The following MADD variants were observed in gnomAD, a reference collection of about 807,000 sequenced individuals.
MADD encodes the protein MAP kinase-activating death domain protein.
In MADD, 109 loss-of-function variants were observed where a neutral mutation model predicts 176.7. The observed-to-expected ratio is 0.62, with a 90% CI of 0.53 to 0.72. MADD has a LOEUF of 0.72. MADD is among the 30% of genes least tolerant of loss of function. MADD has a pLI of 0.00. For missense variants in MADD, 1,914 were observed against 2,045.5 expected (o/e 0.94, Z 1.24); for synonymous variants, 771 against 771.3 (o/e 1.00, Z 0.01).
At chr11:47,288,477 C>T (rs1252118717) in intron 15 of MADD, among the ~76,000 whole-genome samples, 1 of 152,166 alleles carries the variant, frequency 6.6e-6, no homozygotes, top group Non-Finnish European at 1.5e-5. Flanking sequence ...TGTCACTGGC[C>T]TTCATTTGGT....
intron 22 of MADD, among the ~76,000 whole-genome samples, chr11:47,297,833 G>T (rs1464894533): frequency 2.2e-5 from 3 of 135,230 alleles, no homozygotes; most frequent in Admixed American, 8.1e-5. Flanking sequence ...CTGTCGCCCA[G>T]GCTGGAGTGC....
rs550351460 is a variant in MADD, at chr11:47,273,924, A to G, written c.10A>G (p.Lys4Glu). The change falls in exon 2 of 33, where the codon AAG becomes GAG. Residue 4 changes from lysine (K) to glutamate (E), a missense_variant. Lys to Glu is a moderately conservative substitution (Grantham distance 56, BLOSUM62 1). Transcript: ENST00000402192. ...CTGATGAATTGGAACCATGGTGCAA[A>G]AGAAGAAGTTCTGTCCTCGGTTACT... The G allele has an allele frequency of 1.9e-6, 3 of 1,614,062 alleles. No homozygotes were observed. The South Asian group carries it at 3.3e-5, about 18-fold the overall frequency.
intron 18 of MADD, 44 bp downstream of exon 19, chr11:47,290,343 C>A: frequency 1.3e-6 from 2 of 1,597,380 alleles, no homozygotes; most frequent in South Asian, 1.1e-5. Flanking sequence ...CCTAACTCTG[C>A]CACTTGTCTC....
chr11:47,322,178 A>G (rs1391947064), intron 27 of MADD, among the ~76,000 whole-genome samples: 1 of 152,190 alleles, frequency 6.6e-6, no homozygotes, highest in East Asian at 1.9e-4. Context: ...CCTGTGAGGA[A>G]TTGTGGACAC....
chr11:47,277,005 C>T, intron 5 of MADD, 142 bp downstream of exon 5: 1 of 1,054,090 alleles, frequency 9.5e-7, no homozygotes, highest in South Asian at 1.6e-5. Flanking sequence ...CTGATTTGAA[C>T]TGATCTGGTG....
chr11:47,274,206 C>T (rs1480691284), intron 2 of MADD, among the ~76,000 whole-genome samples: 1 of 152,164 alleles, frequency 6.6e-6, no homozygotes, highest in African/African-American at 2.4e-5. Flanking sequence ...ACTCTTTATA[C>T]CTCAGTTTTC....
At position 47,276,904 on chromosome 11, in the gene MADD, T is replaced by G. The variant is rs568532509; in HGVS notation, c.1095+41T>G. On this transcript the variant is annotated intron_variant, in intron 5 of 32. Coordinates refer to ENST00000402192, the Ensembl canonical transcript of MADD. ...ACTTCCGGCTTTCTCACCTCTGTCT[T>G]CCTGAGGGAGGAGGCTTAATGCTCA... 8 of 1,608,664 alleles carry G rather than the reference T, an allele frequency of 5.0e-6. No individual in the cohort carries two copies. In the South Asian group the frequency reaches 7.7e-5, roughly 15 times the overall value.
chr11:47,306,102 C>T (rs1032341578), intron 22 of MADD, among the ~76,000 whole-genome samples: 4 of 152,154 alleles, frequency 2.6e-5, no homozygotes, highest in African/African-American at 7.2e-5. Context: ...ACCTTAGGCA[C>T]CAGGGAGGCC....
At chr11:47,300,460 C>CGCT (rs1565448240) in intron 22 of MADD, among the ~76,000 whole-genome samples, 1 of 149,440 alleles carries the variant, frequency 6.7e-6, no homozygotes, top group East Asian at 2.0e-4. Flanking sequence ...ACCCCCCGCC[C>CGCT]GCCCCAAAGT....
intron 15 of MADD, among the ~76,000 whole-genome samples, chr11:47,287,009 G>A (rs990350235): frequency 1.1e-4 from 16 of 152,214 alleles, no homozygotes; most frequent in Admixed American, 5.2e-4. Flanking sequence ...GGTAGTATTG[G>A]TTAGTTTCTA....
At chr11:47,285,654 A>G (rs544441201) in intron 14 of MADD, 64 bp downstream of exon 14, 9 of 1,602,986 alleles carry the variant, frequency 5.6e-6, no homozygotes, top group Middle Eastern at 1.7e-4. Context: ...GAGCCTGACT[A>G]TGGCAAATGT....
At chr11:47,313,481 GTTT>G in intron 26 of MADD, among the ~76,000 whole-genome samples, 1 of 139,960 alleles carries the variant, frequency 7.1e-6, no homozygotes, top group East Asian at 2.1e-4. Context: ...CACCTGGCTA[GTTT>G]TTTTTTTTTT....
chr11:47,292,398 C>G (rs2138755676), intron 19 of MADD, 145 bp from the exon 21 acceptor site: 2 of 733,502 alleles, frequency 2.7e-6, no homozygotes, highest in East Asian at 5.3e-5. Context: ...TGCCCCTTCT[C>G]CCCATGAAGA....
chr11:47,306,243 A>G (rs1447708535), intron 22 of MADD, among the ~76,000 whole-genome samples: 1 of 152,142 alleles, frequency 6.6e-6, no homozygotes, highest in Non-Finnish European at 1.5e-5. Context: ...GAATCATGTA[A>G]TAGCTGCTCA....
chr11:47,275,451 C>A (rs2048816270), intron 3 of MADD, among the ~76,000 whole-genome samples: 1 of 152,178 alleles, frequency 6.6e-6, no homozygotes, highest in Non-Finnish European at 1.5e-5. Flanking sequence ...GCCACCATGA[C>A]CAGCTAATTT....
rs1223018745 is a variant in MADD at position 47,279,453 on chromosome 11, C to T, written c.1290+374C>T. ...AGGCTGGAGTGCAGTGGCGCGATCT[C>T]GGCTCACTGCAAGCTCTGCCTTCTG... On this transcript the variant is annotated intron_variant, in intron 7 of 32. Transcript: ENST00000402192. Among the ~76,000 whole-genome samples the T allele has an allele frequency of 3.5e-5, 5 of 144,106 alleles. No individual in the cohort carries two copies. In the East Asian group the frequency reaches 8.5e-4, roughly 24 times the overall value. 94.5% of individuals were successfully genotyped at this position (144,106 alleles called of 152,430 possible).
rs552045018 is a variant in MADD, at chr11:47,290,308, C to T, written c.3094+9C>T. 13 of 1,612,322 alleles carry T rather than the reference C, an allele frequency of 8.1e-6. No individual in the cohort carries two copies. The highest frequency in any genetic ancestry group is 2.7e-5 in the African/African-American group (2 of 74,986). ...CCACTACTATAGTAAAGGTAGGGATCGTACTTGCTGGGCACCACGCCATCC... is the reference window on the plus strand; with the variant it reads ...CCACTACTATAGTAAAGGTAGGGATTGTACTTGCTGGGCACCACGCCATCC... On this transcript the variant is annotated intron_variant, in intron 18 of 32. Coordinates refer to ENST00000402192, the Ensembl canonical transcript of MADD.
rs546717979 is a variant in MADD at position 47,329,275 on chromosome 11, CTG to C, written c.*128_*129del. Reference sequence around the variant, plus strand: ...TCGTGTGTCCTCTGCAAGCCCCCTGCTGTGGCTTGGTTGGTTACCGGTTATGT... The same window carrying C: ...TCGTGTGTCCTCTGCAAGCCCCCTGCTGGCTTGGTTGGTTACCGGTTATGT... On this transcript the variant is annotated 3_prime_UTR_variant, in exon 33 of 33. Coordinates refer to ENST00000402192, the Ensembl canonical transcript of MADD. The C allele has an allele frequency of 3.5e-4, 267 of 754,982 alleles. No individual in the cohort carries two copies. The African/African-American group carries it at 4.2e-3, about 12-fold the overall frequency. The allele number at this position is 754,982 out of a possible 1,614,324, so 46.8% of individuals were successfully genotyped here.
intron 1 of MADD, among the ~76,000 whole-genome samples, chr11:47,273,237 A>G (rs1299582618): frequency 6.6e-6 from 1 of 152,254 alleles, no homozygotes; most frequent in African/African-American, 2.4e-5. Flanking sequence ...GACTGAGTCC[A>G]GATTAGATGG....
Sources: allele counts gnomAD v4.1 joint callset (sites outside exome capture counted in the v4.1 genomes callset), GRCh38; gene constraint gnomAD v4.1.1; transcripts MANE v1.5; gene names NCBI Gene and HGNC (gene_info 2026-07-23, HGNC 2026-07-21).